SMARCA2: variants seen among roughly 807,000 people sequenced by gnomAD.
SMARCA2 encodes SWI/SNF related BAF chromatin remodeling complex subunit ATPase 2.
A neutral mutation model predicts 199.8 loss-of-function variants in SMARCA2; 61 were observed. That is an observed-to-expected ratio of 0.31 (90% CI 0.25 to 0.38). The LOEUF (loss-of-function observed/expected upper bound fraction) is 0.38, where lower values mean the gene tolerates loss of function less well. Among genes scored for constraint, SMARCA2 ranks in the 10% least tolerant of loss-of-function variants. The probability of loss-of-function intolerance (pLI) is 1.00; values close to 1 mark genes in which losing one functional copy is unlikely to be tolerated. For missense variants in SMARCA2, 1,344 were observed against 2,012.2 expected (o/e 0.67, Z 6.35); for synonymous variants, 935 against 732.0 (o/e 1.28, Z -4.48).
Position 2,123,651 on chromosome 9 carries a change from G to A in SMARCA2, c.3763-68G>A. ...ATAGGAAGTGACTTGGGGAAGTTGT[G>A]TAGTGCTGGGAAGTCTGCACCATAC... On this transcript the variant is annotated intron_variant, in intron 26 of 33. Transcript: ENST00000349721. The surrounding 1 kb of genome is among the most constrained non-coding windows in gnomAD (Gnocchi z 4.1). 1.5e-6 allele frequency: 2 copies of A among 1,356,116 alleles called. No individual in the cohort carries two copies. The highest frequency in any genetic ancestry group is 2.1e-6 in the Non-Finnish European group (2 of 954,714). 84.0% of individuals were successfully genotyped at this position (1,356,116 alleles called of 1,614,324 possible). A position where few individuals can be genotyped will look rare whatever the true frequency, so the allele number is the denominator to read the frequency against.
At chr9:2,116,571 A>G (rs1823227125) in intron 25 of SMARCA2, among the ~76,000 whole-genome samples, 1 of 151,966 alleles carries the variant, frequency 6.6e-6, no homozygotes, top group Non-Finnish European at 1.5e-5. Flanking sequence ...TCTACTTTAA[A>G]TTTTTCTTTA....
At chr9:2,151,537 G>C (rs898248927) in intron 27 of SMARCA2, among the ~76,000 whole-genome samples, 2 of 151,944 alleles carry the variant, frequency 1.3e-5, no homozygotes, top group Non-Finnish European at 1.5e-5. Context: ...TTTGAGACCA[G>C]CCTGGTCAAC....
chr9:2,107,741 T>G (rs979193506), intron 23 of SMARCA2, among the ~76,000 whole-genome samples: 21 of 152,330 alleles, frequency 1.4e-4, no homozygotes, highest in Middle Eastern at 6.8e-3. Flanking sequence ...TTTCAGTGCT[T>G]TATTTTGCAT....
chr9:2,143,865 A>G (rs768208898), intron 27 of SMARCA2, among the ~76,000 whole-genome samples: 7 of 152,208 alleles, frequency 4.6e-5, no homozygotes, highest in Non-Finnish European at 1.0e-4. Flanking sequence ...AGCCATATGC[A>G]TTGAGGTTGT....
chr9:2,079,441 C>T (rs1041129636), intron 14 of SMARCA2, among the ~76,000 whole-genome samples: 18 of 152,240 alleles, frequency 1.2e-4, no homozygotes, highest in Non-Finnish European at 2.2e-4. Flanking sequence ...GTGCAGAATA[C>T]AATGACTGCC....
At chr9:2,081,811 A>G in intron 14 of SMARCA2, 21 bp from the exon 15 acceptor site, 1 of 1,611,384 alleles carries the variant, frequency 6.2e-7, no homozygotes. Context: ...GGATAATTGA[A>G]GCAATTACTC....
At chr9:2,093,241 G>C (rs1333480239) in intron 19 of SMARCA2, among the ~76,000 whole-genome samples, 1 of 152,232 alleles carries the variant, frequency 6.6e-6, no homozygotes, top group Non-Finnish European at 1.5e-5. Flanking sequence ...GGGGTACCCA[G>C]TATGTACACA....
At chr9:2,151,193 G>A (rs138103818) in intron 27 of SMARCA2, among the ~76,000 whole-genome samples, 5 of 151,590 alleles carry the variant, frequency 3.3e-5, no homozygotes, top group African/African-American at 1.2e-4. Context: ...TTGTTAGCGA[G>A]CGTCTGTTCA....
At chr9:2,105,097 CG>C (rs1822694088) in intron 23 of SMARCA2, among the ~76,000 whole-genome samples, 1 of 152,096 alleles carries the variant, frequency 6.6e-6, no homozygotes. Flanking sequence ...CTTAATTGAA[CG>C]TAATTGGATA....
chr9:2,019,080 A>G (rs1308411990), intron 1 of SMARCA2, among the ~76,000 whole-genome samples: 1 of 151,906 alleles, frequency 6.6e-6, no homozygotes, highest in Non-Finnish European at 1.5e-5. Flanking sequence ...GCTATTGTAA[A>G]GAGGGGATTT....
chr9:2,057,034 G>A (rs567369704), intron 7 of SMARCA2, among the ~76,000 whole-genome samples, 189 bp downstream of exon 7: 1 of 152,294 alleles, frequency 6.6e-6, no homozygotes, highest in Admixed American at 6.5e-5. Flanking sequence ...AAGCCAGGAC[G>A]TATAAATGAC....
chr9:2,188,697 A>AACTT (rs1402152641), intron 32 of SMARCA2, among the ~76,000 whole-genome samples: 3 of 152,272 alleles, frequency 2.0e-5, no homozygotes, highest in Non-Finnish European at 4.4e-5. Flanking sequence ...ATACAACACA[A>AACTT]ACTTATTACC....
intron 26 of SMARCA2, among the ~76,000 whole-genome samples, chr9:2,120,419 A>G (rs1191076279): frequency 6.6e-6 from 1 of 152,236 alleles, no homozygotes; most frequent in Non-Finnish European, 1.5e-5. Context: ...CAGAAATGAC[A>G]AATTTTCAAG....
chr9:2,123,656 G>C lies in SMARCA2; in HGVS notation c.3763-63G>C, dbSNP rs1823561930. ...AAGTGACTTGGGGAAGTTGTGTAGT[G>C]CTGGGAAGTCTGCACCATACAGAAG... On this transcript the variant is annotated intron_variant, in intron 26 of 33. Coordinates refer to ENST00000349721, the MANE Select transcript of SMARCA2 (RefSeq NM_003070.5). This position sits in a 1 kb window ranked among gnomAD's most constrained non-coding sequence, Gnocchi z 4.1. The C allele has an allele frequency of 2.1e-6, 3 of 1,415,932 alleles. No homozygotes were observed. In the African/African-American group the frequency reaches 4.2e-5, roughly 20 times the overall value. 87.7% of individuals were successfully genotyped at this position (1,415,932 alleles called of 1,614,324 possible).
rs1823383410 is a variant in SMARCA2 at position 2,119,976 on chromosome 9, A to C, written c.3762+441A>C. Among the ~76,000 whole-genome samples, 1 of 152,178 alleles carries C rather than the reference A, an allele frequency of 6.6e-6. No individual in the cohort carries two copies. The highest frequency in any genetic ancestry group is 6.5e-5 in the Admixed American group (1 of 15,280). On this transcript the variant is annotated intron_variant, in intron 26 of 33. Transcript: ENST00000349721. This position sits in a 1 kb window ranked among gnomAD's most constrained non-coding sequence, Gnocchi z 4.6. ...CCTACCTGGCTCCTATAGGCATTGG[A>C]ACTTACAACAGTGCCCTTACAGGAT...
intron 3 of SMARCA2, among the ~76,000 whole-genome samples, chr9:2,037,942 A>C (rs1187366015): frequency 6.6e-6 from 1 of 152,168 alleles, no homozygotes; most frequent in Non-Finnish European, 1.5e-5. Flanking sequence ...TGGCCAAGCT[A>C]TGCAGGTCAT....
At chr9:2,179,235 G>C (rs756943695) in intron 29 of SMARCA2, among the ~76,000 whole-genome samples, 4 of 152,156 alleles carry the variant, frequency 2.6e-5, no homozygotes, top group Non-Finnish European at 5.9e-5. Flanking sequence ...GGTACCAGTT[G>C]GGTTTTTAGA....
intron 5 of SMARCA2, among the ~76,000 whole-genome samples, chr9:2,050,396 A>AT (rs1409206139): frequency 2.1e-5 from 3 of 145,952 alleles, no homozygotes; most frequent in Admixed American, 1.4e-4. Context: ...GCTTTCTTCT[A>AT]TTTAGAGTTA....
chr9:2,193,071 A>C lies in SMARCA2; in HGVS notation c.*332A>C, dbSNP rs982855968. On this transcript the variant is annotated 3_prime_UTR_variant, in exon 34 of 34. Transcript: ENST00000349721. ...CGGTTTGATTGTGCCTGGTTTTATC[A>C]CCTGTTCAGATGAGAAGATTTTTGT... The C allele has an allele frequency of 1.6e-5, 4 of 243,692 alleles. No individual in the cohort carries two copies. The highest frequency in any genetic ancestry group is 7.8e-6 in the Non-Finnish European group (1 of 128,368). 15.1% of individuals were successfully genotyped at this position (243,692 alleles called of 1,614,324 possible). A position where few individuals can be genotyped will look rare whatever the true frequency, so the allele number is the denominator to read the frequency against.
Sources: allele counts gnomAD v4.1 joint callset (sites outside exome capture counted in the v4.1 genomes callset), GRCh38; gene constraint gnomAD v4.1.1; non-coding constraint Gnocchi (gnomAD v3.1); transcripts MANE v1.5; gene names NCBI Gene and HGNC (gene_info 2026-07-23, HGNC 2026-07-21).